Variants in SERINC4 observed in about 807,000 individuals in gnomAD.
SERINC4 encodes serine incorporator 4.
Under a neutral mutation model 52.0 loss-of-function variants are expected in SERINC4, and 52 were observed. The observed-to-expected ratio is 1.00, with a 90% confidence interval of 0.80 to 1.26. The LOEUF (loss-of-function observed/expected upper bound fraction) is 1.26, where lower values mean the gene tolerates loss of function less well. Among genes scored for constraint, SERINC4 ranks in the 50% most tolerant of loss-of-function variants. The probability of loss-of-function intolerance (pLI) is 0.00; values close to 1 mark genes in which losing one functional copy is unlikely to be tolerated. For missense variants in SERINC4, 723 were observed against 632.8 expected (o/e 1.14, Z -1.53); for synonymous variants, 264 against 247.7 (o/e 1.07, Z -0.62).
chr15:43,795,591 C>T (rs369243797), intron 10 of SERINC4, 50 bp from the exon 11 acceptor site: 30 of 1,612,170 alleles, frequency 1.9e-5, no homozygotes, highest in Admixed American at 3.3e-5. Flanking sequence ...AACACCTCTT[C>T]CCCTCTCCCC....
chr15:43,799,756 G>A (rs2087283080), intron 1 of SERINC4, 129 bp downstream of exon 1: 2 of 855,172 alleles, frequency 2.3e-6, no homozygotes, highest in Admixed American at 2.0e-5. Flanking sequence ...TGGCGGGAGA[G>A]ATTTACAGAT....
chr15:43,796,432 C>T (rs2087217837), intron 8 of SERINC4, 184 bp downstream of exon 8: 5 of 740,246 alleles, frequency 6.8e-6, no homozygotes, highest in Non-Finnish European at 9.0e-6. Flanking sequence ...CCCCCCACCC[C>T]CTTCATCTCA....
In SERINC4 at chr15:43,794,542, C is replaced by G. The variant is rs1362698989; in HGVS notation, c.*458G>C. 1 of 162,832 alleles carries G rather than the reference C, an allele frequency of 6.1e-6. No homozygotes were observed. Among genetic ancestry groups the G allele is most frequent in the African/African-American group, 2.4e-5 (1 of 41,680 alleles). 10.1% of individuals were successfully genotyped at this position (162,832 alleles called of 1,614,324 possible). A position where few individuals can be genotyped will look rare whatever the true frequency, so the allele number is the denominator to read the frequency against. ...AAATCAGGATTAAAACCTGGGGTAGCCTCTGTGCTCCTTTCTTCTATGCCC... is the reference window on the plus strand; with the variant it reads ...AAATCAGGATTAAAACCTGGGGTAGGCTCTGTGCTCCTTTCTTCTATGCCC... On this transcript the variant is annotated 3_prime_UTR_variant, in exon 12 of 12. Transcript: ENST00000319327.
Position 43,799,997 on chromosome 15 carries a change from G to C in SERINC4, c.-11C>G. On this transcript the variant is annotated 5_prime_UTR_variant, in exon 1 of 12. Transcript: ENST00000319327. ...CTTGGCACCCACCATCCTTGTCCCA[G>C]GGATTAGGCTTAGGTCCACCAGATG... 6.6e-7 allele frequency: 1 copy of C among 1,520,286 alleles called. No homozygotes were observed. The highest frequency in any genetic ancestry group is 8.8e-7 in the Non-Finnish European group (1 of 1,134,638). 94.2% of individuals were successfully genotyped at this position (1,520,286 alleles called of 1,614,324 possible). A position where few individuals can be genotyped will look rare whatever the true frequency, so the allele number is the denominator to read the frequency against.
In SERINC4 at chr15:43,795,197, G is replaced by C. The variant is rs567856203; in HGVS notation, c.1360C>G (p.Leu454Val). 9.9e-6 allele frequency: 16 copies of C among 1,614,016 alleles called. No homozygotes were observed. The highest frequency in any genetic ancestry group is 1.3e-5 in the Non-Finnish European group (15 of 1,180,024). Reference sequence around the variant, plus strand: ...CTACCCTTGATGAAGGTCTTTTCCAGTTCTGCTCCCTCATAGCTGTGTAAC... The same window carrying C: ...CTACCCTTGATGAAGGTCTTTTCCACTTCTGCTCCCTCATAGCTGTGTAAC... ...TNWFSYEGAE[L>V]EKTFIKGSWA... The change falls in exon 12 of 12, where the codon CTG becomes GTG. Residue 454 changes from leucine to valine, a missense_variant. Physicochemically the swap from Leu to Val is conservative, Grantham distance 32 (BLOSUM62 1). Transcript: ENST00000319327.
chr15:43,796,990 A>G (rs780165726), intron 6 of SERINC4, 50 bp from the exon 7 acceptor site: 1 of 1,532,382 alleles, frequency 6.5e-7, no homozygotes, highest in East Asian at 2.3e-5. Flanking sequence ...AATTTCCTCC[A>G]TTTCTACCCC....
At chr15:43,795,590 TC>T in intron 10 of SERINC4, 49 bp from the exon 11 acceptor site, 1 of 1,612,390 alleles carries the variant, frequency 6.2e-7, no homozygotes, top group Admixed American at 1.7e-5. Context: ...AAACACCTCT[TC>T]CCCTCTCCCC....
chr15:43,796,087 G>T, intron 9 of SERINC4, 68 bp downstream of exon 9: 3 of 1,153,632 alleles, frequency 2.6e-6, no homozygotes, highest in African/African-American at 1.5e-5. Flanking sequence ...GTAGAGGTTG[G>T]TAGGATGTGT....
chr15:43,796,663 TAGAG>T lies in SERINC4; in HGVS notation c.1016_1019del (p.Ser339Ter), dbSNP rs1246416910. The T allele has an allele frequency of 6.2e-7, 1 of 1,614,090 alleles. No homozygotes were observed. Among genetic ancestry groups the T allele is most frequent in the African/African-American group, 1.3e-5 (1 of 75,028 alleles). ...ACATGATGCTAGCACTCAGCATTGC[TAGAG>T]AGATATCTGGTGTTTGGGGTTCCAT... On this transcript the variant is annotated frameshift_variant, in exon 8 of 12. Transcript: ENST00000319327. LOFTEE classifies it high-confidence loss of function.
chr15:43,797,642 C>T (rs1361708856), intron 5 of SERINC4: 16 of 510,968 alleles, frequency 3.1e-5, no homozygotes, highest in Admixed American at 2.0e-4. Flanking sequence ...CCACCCACCT[C>T]GGCCTCCCAA....
Position 43,796,880 on chromosome 15 carries a change from G to T in SERINC4, c.905C>A (p.Thr302Asn). The T allele has an allele frequency of 6.2e-7, 1 of 1,614,128 alleles. No homozygotes were observed. Among genetic ancestry groups the T allele is most frequent in the Non-Finnish European group, 8.5e-7 (1 of 1,179,992 alleles). The change falls in exon 7 of 12, where the codon ACT becomes AAT. Residue 302 changes from threonine to asparagine, a missense_variant. By Grantham distance (65) the Thr-to-Asn change is moderately conservative. Transcript: ENST00000319327. ...SVISCYIMYL[T>N]FSALSSRPPE... Reference sequence around the variant, plus strand: ...AGGACGGCTGGACAGTGCAGAGAAAGTCAGATACATGATATAGCAGCTGAT... The same window carrying T: ...AGGACGGCTGGACAGTGCAGAGAAATTCAGATACATGATATAGCAGCTGAT...
In SERINC4 at chr15:43,799,995, C is replaced by G; in HGVS notation, c.-9G>C. ...GCCTTGGCACCCACCATCCTTGTCC[C>G]AGGGATTAGGCTTAGGTCCACCAGA... On this transcript the variant is annotated 5_prime_UTR_variant, in exon 1 of 12. Coordinates refer to ENST00000319327, the MANE Select transcript of SERINC4 (RefSeq NM_001258031.2). 1 of 1,525,418 alleles carries G rather than the reference C, an allele frequency of 6.6e-7. No homozygotes were observed. Among genetic ancestry groups the G allele is most frequent in the Non-Finnish European group, 8.8e-7 (1 of 1,137,314 alleles). The allele number at this position is 1,525,418 out of a possible 1,614,324, so 94.5% of individuals were successfully genotyped here.
At position 43,800,091 on chromosome 15, in the gene SERINC4, C is replaced by T; in HGVS notation, c.-105G>A. ...GGACTGCCACTGTGTTGGGGCTGAG[C>T]ACCCGGTCCCGGGCAGAATGGAGAC... is the stretch of plus-strand genomic sequence containing the variant. On this transcript the variant is annotated 5_prime_UTR_variant, in exon 1 of 12. Coordinates refer to ENST00000319327, the MANE Select transcript of SERINC4 (RefSeq NM_001258031.2). 2 of 849,814 alleles carry T rather than the reference C, an allele frequency of 2.4e-6. No homozygotes were observed. Among genetic ancestry groups the T allele is most frequent in the Non-Finnish European group, 3.5e-6 (2 of 566,666 alleles). The allele number at this position is 849,814 out of a possible 1,614,324, so 52.6% of individuals were successfully genotyped here. A position where few individuals can be genotyped will look rare whatever the true frequency, so the allele number is the denominator to read the frequency against.
chr15:43,794,870 T>C lies in SERINC4; in HGVS notation c.*130A>G. On this transcript the variant is annotated 3_prime_UTR_variant, in exon 12 of 12. Transcript: ENST00000319327. The stretch of plus-strand genomic sequence containing the variant: ...GTGTTTGACCACTTCTTCCAGTTCA[T>C]AGTATTGACTTCAGCCCAAACGGAG... The C allele has an allele frequency of 2.8e-6, 2 of 708,226 alleles. No homozygotes were observed. Among genetic ancestry groups the C allele is most frequent in the South Asian group, 1.8e-5 (1 of 56,602 alleles). The allele number at this position is 708,226 out of a possible 1,614,324, so 43.9% of individuals were successfully genotyped here.
intron 5 of SERINC4, 80 bp downstream of exon 5, chr15:43,797,840 G>C (rs867926010): frequency 2.5e-5 from 24 of 957,290 alleles, no homozygotes; most frequent in Middle Eastern, 4.2e-4. Context: ...GTGCTCTGCC[G>C]TGCCTTTTGC....
intron 3 of SERINC4, 136 bp downstream of exon 3, chr15:43,798,823 G>A (rs1305908718): frequency 1.1e-6 from 1 of 879,528 alleles, no homozygotes; most frequent in Admixed American, 2.2e-5. Context: ...TACACAGCAA[G>A]TACACGAGAA....
At position 43,799,112 on chromosome 15, in the gene SERINC4, G is replaced by A. The variant is rs2087268609; in HGVS notation, c.305C>T (p.Ala102Val). ...ACAGTCAGAGAGGCCAAACAGGTGG[G>A]CACACAACCCCGAGGGCATCTGGAT... ...HRIQMPSGLC[A>V]HLFGLSDCPV... The change falls in exon 3 of 12, where the codon GCC becomes GTC. Residue 102 changes from alanine to valine, a missense_variant. Transcript: ENST00000319327. The A allele has an allele frequency of 1.3e-6, 2 of 1,550,026 alleles. No homozygotes were observed. Among genetic ancestry groups the A allele is most frequent in the African/African-American group, 1.4e-5 (1 of 73,032 alleles).
intron 1 of SERINC4, 67 bp from the exon 2 acceptor site, chr15:43,799,553 T>C: frequency 6.5e-7 from 1 of 1,530,234 alleles, no homozygotes; most frequent in Admixed American, 2.0e-5. Flanking sequence ...CGTTAATGTA[T>C]GTGTGAGGTT....
rs1305556984 is a variant in SERINC4 at position 43,799,392 on chromosome 15, A to G, written c.197T>C (p.Leu66Pro). Residue 66 changes from leucine to proline, a missense_variant, in exon 2 of 12, where the codon CTC (leucine) becomes CCC (proline). Leu to Pro is a moderately conservative substitution (Grantham distance 98). Transcript: ENST00000319327. Reference sequence around the variant, plus strand: ...GATTGCTGAGGCCCCCACATGGAGGAGGATGTAGAACAGGCGGCTGCAAGT... The same window carrying G: ...GATTGCTGAGGCCCCCACATGGAGGGGGATGTAGAACAGGCGGCTGCAAGT... ...ASTCSRLFYI[L>P]LHVGASAICC... The G allele has an allele frequency of 9.7e-6, 15 of 1,550,820 alleles. No homozygotes were observed. Among genetic ancestry groups the G allele is most frequent in the Non-Finnish European group, 1.2e-5 (14 of 1,147,028 alleles).
Sources: gnomAD v4.1 joint callset for allele counts on GRCh38, gnomAD v4.1.1 for gene constraint, MANE v1.5 for transcripts, NCBI Gene and HGNC (gene_info 2026-07-23, HGNC 2026-07-21) for gene names.